Variants in RBM28 observed in about 807,000 individuals in gnomAD.
RBM28 encodes RNA binding motif protein 28, also known as RNA-binding protein 28.
RBM28 carries 78 observed loss-of-function variants against 98.3 expected under a neutral mutation model. The ratio of observed to expected loss-of-function variants is 0.79; its 90% CI spans 0.66 to 0.96. RBM28 has a LOEUF of 0.96. Among genes scored for constraint, RBM28 ranks in the 40% least tolerant of loss-of-function variants. The pLI, the probability that RBM28 is intolerant of heterozygous loss-of-function variation, is 0.00. For missense variants in RBM28, 838 were observed against 913.0 expected (o/e 0.92, Z 1.06); for synonymous variants, 306 against 330.9 (o/e 0.92, Z 0.82).
chr7:128,310,348 CA>C lies in RBM28; in HGVS notation c.*448del, dbSNP rs1000412801. The C allele has an allele frequency of 4.1e-6, 1 of 244,310 alleles. No homozygotes were observed. The highest frequency in any genetic ancestry group is 5.2e-5 in the Admixed American group (1 of 19,258). 15.1% of individuals were successfully genotyped at this position (244,310 alleles called of 1,614,324 possible). Reference sequence around the variant, plus strand: ...GACTACAGAGCTGAATTAGGAATGTCAAAGAATGTTCATACATAATAAAGGA... The same window carrying C: ...GACTACAGAGCTGAATTAGGAATGTCAAGAATGTTCATACATAATAAAGGA... On this transcript the variant is annotated 3_prime_UTR_variant, in exon 19 of 19. Coordinates refer to ENST00000223073, the MANE Select transcript of RBM28 (RefSeq NM_018077.3).
intron 16 of RBM28, 91 bp downstream of exon 16, chr7:128,317,567 AG>A (rs2116330904): frequency 9.9e-7 from 1 of 1,005,098 alleles, no homozygotes; most frequent in South Asian, 1.3e-5. Context: ...AACCTAACTG[AG>A]GGGAGAACTA....
chr7:128,300,714 T>G lies in RBM28; in HGVS notation c.*10083A>C, dbSNP rs187741950. 6.6e-6 allele frequency: 1 copy of G among 152,374 alleles called. No homozygotes were observed. Among genetic ancestry groups the G allele is most frequent in the Non-Finnish European group, 1.5e-5 (1 of 68,116 alleles). The allele number at this position is 152,374 out of a possible 1,614,324, so 9.4% of individuals were successfully genotyped here. ...ATTGGCAAGTGGGTCTCACCTCCCA[T>G]GCTGACTCCAATTGTTGGGTGCGGT... is the stretch of plus-strand genomic sequence containing the variant. On this transcript the variant is annotated 3_prime_UTR_variant, in exon 19 of 19. Coordinates refer to ENST00000223073, the MANE Select transcript of RBM28 (RefSeq NM_018077.3).
intron 10 of RBM28, among the ~76,000 whole-genome samples, chr7:128,329,136 G>A (rs1399865807): frequency 6.6e-6 from 1 of 151,846 alleles, no homozygotes; most frequent in Non-Finnish European, 1.5e-5. Flanking sequence ...TCTTGCTCTT[G>A]TTGCCCAGGC....
chr7:128,336,991 A>G, intron 6 of RBM28, 140 bp downstream of exon 6: 3 of 889,256 alleles, frequency 3.4e-6, no homozygotes, highest in Non-Finnish European at 5.6e-6. Context: ...CAAGCAATCC[A>G]CCCAAAGTGC....
intron 1 of RBM28, among the ~76,000 whole-genome samples, chr7:128,342,751 A>T (rs556842963): frequency 6.6e-6 from 1 of 151,738 alleles, no homozygotes; most frequent in African/African-American, 2.4e-5. Context: ...CCCTTTACTC[A>T]CTTCAATCCA....
intron 16 of RBM28, among the ~76,000 whole-genome samples, chr7:128,315,548 T>C (rs900029442): frequency 1.3e-5 from 2 of 152,164 alleles, no homozygotes; most frequent in Non-Finnish European, 2.9e-5. Flanking sequence ...ATTTTACCTA[T>C]AGAGGAACAA....
chr7:128,339,830 T>G lies in RBM28; in HGVS notation c.119-39A>C, dbSNP rs537236272. ...GTGGGGAGGGAGTGGAGGGGCAGTG[T>G]GAAAAGGAGAGAGAATCATAAGCCA... On this transcript the variant is annotated intron_variant, in intron 1 of 18. Transcript: ENST00000223073. 5 of 1,597,206 alleles carry G rather than the reference T, an allele frequency of 3.1e-6. No individual in the cohort carries two copies. The South Asian group carries it at 5.5e-5, about 18-fold the overall frequency.
chr7:128,298,721 T>A lies in RBM28; in HGVS notation c.*12076A>T, dbSNP rs1276149373. The A allele has an allele frequency of 6.6e-6, 1 of 152,194 alleles. No individual in the cohort carries two copies. Among genetic ancestry groups the A allele is most frequent in the Non-Finnish European group, 1.5e-5 (1 of 68,048 alleles). 9.4% of individuals were successfully genotyped at this position (152,194 alleles called of 1,614,324 possible). On this transcript the variant is annotated 3_prime_UTR_variant, in exon 19 of 19. Transcript: ENST00000223073. Reference sequence around the variant, plus strand: ...TGAACAAAACGCCTGCTTTAAAATGTACCCATGGCTGGATGCTGTGGCTCA... The same window carrying A: ...TGAACAAAACGCCTGCTTTAAAATGAACCCATGGCTGGATGCTGTGGCTCA...
chr7:128,317,753 T>C lies in RBM28; in HGVS notation c.1714-20A>G. The C allele has an allele frequency of 1.9e-6, 3 of 1,557,024 alleles. No homozygotes were observed. Among genetic ancestry groups the C allele is most frequent in the Non-Finnish European group, 2.7e-6 (3 of 1,128,622 alleles). On this transcript the variant is annotated intron_variant, in intron 15 of 18. Coordinates refer to ENST00000223073, the MANE Select transcript of RBM28 (RefSeq NM_018077.3). Reference sequence around the variant, plus strand: ...TGGTCTCTGTCAGAGGGAGACAGAATGCCATTCATTAGACTTCTTAATCTG... The same window carrying C: ...TGGTCTCTGTCAGAGGGAGACAGAACGCCATTCATTAGACTTCTTAATCTG...
intron 16 of RBM28, among the ~76,000 whole-genome samples, chr7:128,316,990 T>C (rs1332053484): frequency 6.6e-6 from 1 of 152,214 alleles, no homozygotes; most frequent in East Asian, 1.9e-4. Context: ...GAGTCAAGAA[T>C]AATCTGGCCC....
chr7:128,329,983 G>C (rs1046780723), intron 10 of RBM28, among the ~76,000 whole-genome samples: 4 of 148,942 alleles, frequency 2.7e-5, no homozygotes, highest in Admixed American at 2.0e-4. Flanking sequence ...TTGGAAAGAT[G>C]TTTACCTAAC....
chr7:128,341,287 C>T, intron 1 of RBM28: 1 of 792,702 alleles, frequency 1.3e-6, no homozygotes. Flanking sequence ...GCTGCCCACT[C>T]ACCTTTCAGA....
At chr7:128,320,567 G>C (rs1796209872) in intron 14 of RBM28, among the ~76,000 whole-genome samples, 1 of 152,176 alleles carries the variant, frequency 6.6e-6, no homozygotes, top group Non-Finnish European at 1.5e-5. Flanking sequence ...ATGGCTTCCT[G>C]TGTTGACCAC....
Position 128,330,899 on chromosome 7 carries a change from T to C in RBM28, c.1049A>G (p.Glu350Gly), listed in dbSNP as rs150692888. 2 of 1,612,956 alleles carry C rather than the reference T, an allele frequency of 1.2e-6. No individual in the cohort carries two copies. The highest frequency in any genetic ancestry group is 2.7e-5 in the African/African-American group (2 of 74,912). The change falls in exon 10 of 19, where the codon GAA becomes GGA. Residue 350 changes from glutamate to glycine, a missense_variant. Transcript: ENST00000223073. ...AAACTGTTGGAGAAGCTCCCCAAGT[T>C]CTTCTTCTTCTGAGTCAAAGGACAG... ...RNLSFDSEEE[E>G]LGELLQQFGE...
chr7:128,325,879 GCAAATGCACAAC>G lies in RBM28; in HGVS notation c.1130_1141del (p.Gly377_Phe380del). Reference sequence around the variant, plus strand: ...AGCTGCTTCTTGAGTCATGAACTGGGCAAATGCACAACCTGCACAAGGAGACACAATTCAGTG... The same window carrying G: ...AGCTGCTTCTTGAGTCATGAACTGGGCTGCACAAGGAGACACAATTCAGTG... On this transcript the variant is annotated inframe_deletion and splice_region_variant, in exon 11 of 19. Coordinates refer to ENST00000223073, the MANE Select transcript of RBM28 (RefSeq NM_018077.3). 6.2e-7 allele frequency: 1 copy of G among 1,613,526 alleles called. No homozygotes were observed. The highest frequency in any genetic ancestry group is 8.5e-7 in the Non-Finnish European group (1 of 1,179,698).
At chr7:128,333,390 G>A in intron 8 of RBM28, 28 bp from the exon 9 acceptor site, 1 of 1,520,730 alleles carries the variant, frequency 6.6e-7, no homozygotes, top group East Asian at 2.3e-5. Flanking sequence ...ACAACAAACT[G>A]AAAGAGATTA....
chr7:128,334,452 G>A (rs1035483121), intron 8 of RBM28, among the ~76,000 whole-genome samples: 1 of 152,086 alleles, frequency 6.6e-6, no homozygotes, highest in African/African-American at 2.4e-5. Context: ...ATTCTAAGGT[G>A]TATACCATTC....
intron 14 of RBM28, among the ~76,000 whole-genome samples, chr7:128,320,958 G>C (rs1353480350): frequency 6.6e-6 from 1 of 152,230 alleles, no homozygotes; most frequent in South Asian, 2.1e-4. Context: ...TTGAGGTCAG[G>C]AGTTCGAGAC....
rs1795796531 is a variant in RBM28 at position 128,302,571 on chromosome 7, T to C, written c.*8226A>G. ...TAGCAACCTCTAAGGGAGTCCTAGC[T>C]ACTGCCTAGGAAATCACAAAATAAA... On this transcript the variant is annotated 3_prime_UTR_variant, in exon 19 of 19. Coordinates refer to ENST00000223073, the MANE Select transcript of RBM28 (RefSeq NM_018077.3). 6.6e-6 allele frequency: 1 copy of C among 152,176 alleles called. No individual in the cohort carries two copies. The highest frequency in any genetic ancestry group is 2.4e-5 in the African/African-American group (1 of 41,442). The allele number at this position is 152,176 out of a possible 1,614,324, so 9.4% of individuals were successfully genotyped here.
Sources: allele counts gnomAD v4.1 joint callset (sites outside exome capture counted in the v4.1 genomes callset), GRCh38; gene constraint gnomAD v4.1.1; transcripts MANE v1.5; gene names NCBI Gene and HGNC (gene_info 2026-07-23, HGNC 2026-07-21).